WDR64: variants seen among roughly 807,000 people sequenced by gnomAD.
WDR64 encodes the protein WD repeat domain 64.
In WDR64, 112 loss-of-function variants were observed where a neutral mutation model predicts 139.3. That is an observed-to-expected ratio of 0.80 (90% CI 0.69 to 0.94). The LOEUF (loss-of-function observed/expected upper bound fraction) is 0.94. Among genes scored for constraint, WDR64 ranks in the 40% least tolerant of loss-of-function variants. The probability of loss-of-function intolerance (pLI) is 0.00; values close to 1 mark genes in which losing one functional copy is unlikely to be tolerated. For synonymous variants in WDR64, 444 were observed against 437.7 expected (o/e 1.01, Z -0.18); for missense variants, 1,206 against 1,293.1 (o/e 0.93, Z 1.03).
rs773314447 is a variant in WDR64, at chr1:241,749,676, AG to A, written c.1725del (p.Gln575HisfsTer14). On this transcript the variant is annotated frameshift_variant, in exon 14 of 28. Coordinates refer to ENST00000437684, the MANE Select transcript of WDR64 (RefSeq NM_001367482.1). LOFTEE classifies it high-confidence loss of function. ...IFLKAQEKHQ[Q>X]LVLALERNGT... ...CTCAAAGCCCAAGAAAAACACCAGC[AG>A]CTGGTCCTGGCCTTGGAGCGCAACG... 6.2e-7 allele frequency: 1 copy of A among 1,614,126 alleles called. No homozygotes were observed. The highest frequency in any genetic ancestry group is 8.5e-7 in the Non-Finnish European group (1 of 1,180,010).
At chr1:241,704,869 G>C (rs1206492261) in intron 8 of WDR64, among the ~76,000 whole-genome samples, 1 of 152,150 alleles carries the variant, frequency 6.6e-6, no homozygotes, top group Non-Finnish European at 1.5e-5. Context: ...GATTGCTCTA[G>C]ACCCATGACC....
At chr1:241,772,004 A>C (rs1658474029) in intron 19 of WDR64, among the ~76,000 whole-genome samples, 1 of 133,148 alleles carries the variant, frequency 7.5e-6, no homozygotes, top group South Asian at 2.5e-4. Context: ...TTTGGAACCA[A>C]ACATTGAGGT....
chr1:241,799,218 A>AAAAAAAAAAAAAAAC, intron 27 of WDR64, among the ~76,000 whole-genome samples: 1 of 132,764 alleles, frequency 7.5e-6, no homozygotes, highest in Non-Finnish European at 1.7e-5. Context: ...AAAAAAAAAA[A>AAAAAAAAAAAAAAAC]AAAAATACAA....
chr1:241,735,678 G>A (rs1049770269), intron 10 of WDR64, among the ~76,000 whole-genome samples: 1 of 151,704 alleles, frequency 6.6e-6, no homozygotes, highest in African/African-American at 2.4e-5. Context: ...GGGATTACAG[G>A]CGTGCACCAT....
Position 241,652,496 on chromosome 1 carries a change from G to A in WDR64, c.12G>A (p.Arg4=). MDI[R]KEKRLNMALQ... ...TCCCCTATGTCCCTATGGATATCAG[G>A]AAGGAAAAGCGTCTCAACATGGCAC... The change falls in exon 1 of 28, where the codon AGG becomes AGA. Residue 4 remains arginine, a synonymous_variant. Transcript: ENST00000437684. The A allele has an allele frequency of 6.4e-7, 1 of 1,552,192 alleles. No individual in the cohort carries two copies. The highest frequency in any genetic ancestry group is 8.7e-7 in the Non-Finnish European group (1 of 1,147,100).
intron 17 of WDR64, among the ~76,000 whole-genome samples, chr1:241,770,072 G>T (rs1658370142): frequency 6.6e-6 from 1 of 152,194 alleles, no homozygotes; most frequent in East Asian, 1.9e-4. Context: ...TTCTGTGCTG[G>T]TTTGGGGTCA....
At chr1:241,787,759 G>A in intron 23 of WDR64, 90 bp from the exon 24 acceptor site, 1 of 1,144,438 alleles carries the variant, frequency 8.7e-7, no homozygotes, top group Non-Finnish European at 1.2e-6. Context: ...TGATGGACCA[G>A]CGCTAATTTA....
chr1:241,739,565 A>G (rs1273933170), intron 11 of WDR64, among the ~76,000 whole-genome samples: 1 of 152,234 alleles, frequency 6.6e-6, no homozygotes, highest in Non-Finnish European at 1.5e-5. Flanking sequence ...CTCTAAAAGG[A>G]ACATAATAAT....
At chr1:241,797,898 C>G (rs1049905844) in intron 27 of WDR64, among the ~76,000 whole-genome samples, 1 of 152,020 alleles carries the variant, frequency 6.6e-6, no homozygotes, top group African/African-American at 2.4e-5. Flanking sequence ...TCTATTTGCA[C>G]TCTTATTTAA....
At chr1:241,785,115 A>C (rs1476213909) in intron 23 of WDR64, among the ~76,000 whole-genome samples, 1 of 152,196 alleles carries the variant, frequency 6.6e-6, no homozygotes, top group African/African-American at 2.4e-5. Flanking sequence ...TGTTCATTTG[A>C]GTTTGTAACA....
At chr1:241,718,748 G>C (rs953804532) in intron 9 of WDR64, among the ~76,000 whole-genome samples, 1 of 152,104 alleles carries the variant, frequency 6.6e-6, no homozygotes, top group East Asian at 1.9e-4. Context: ...CAGGATCAAG[G>C]TGCCAGCATT....
At position 241,771,645 on chromosome 1, in the gene WDR64, T is replaced by C; in HGVS notation, c.2254-16T>C. 1 of 1,489,084 alleles carries C rather than the reference T, an allele frequency of 6.7e-7. No individual in the cohort carries two copies. The highest frequency in any genetic ancestry group is 2.3e-5 in the Admixed American group (1 of 43,436). 92.2% of individuals were successfully genotyped at this position (1,489,084 alleles called of 1,614,324 possible). A position where few individuals can be genotyped will look rare whatever the true frequency, so the allele number is the denominator to read the frequency against. On this transcript the variant is annotated splice_polypyrimidine_tract_variant and intron_variant, in intron 18 of 27. Coordinates refer to ENST00000437684, the MANE Select transcript of WDR64 (RefSeq NM_001367482.1). ...AATGTCATGGAAGTCTTTTCTCTTT[T>C]CCTCCCATAATTCAGGGAAGCAAGC...
intron 13 of WDR64, among the ~76,000 whole-genome samples, chr1:241,747,503 T>C (rs1435696314): frequency 6.6e-6 from 1 of 152,220 alleles, no homozygotes; most frequent in Admixed American, 6.5e-5. Flanking sequence ...AGTTAACAAA[T>C]TTTGCCAAAC....
At chr1:241,705,232 T>C (rs1667886588) in intron 8 of WDR64, among the ~76,000 whole-genome samples, 1 of 151,996 alleles carries the variant, frequency 6.6e-6, no homozygotes, top group Non-Finnish European at 1.5e-5. Flanking sequence ...GGAGAATTTA[T>C]TTTTTTTCTT....
intron 3 of WDR64, among the ~76,000 whole-genome samples, chr1:241,674,130 T>C (rs1281087551): frequency 1.3e-5 from 2 of 152,132 alleles, no homozygotes; most frequent in African/African-American, 4.8e-5. Context: ...GCTCTATATA[T>C]GCAAATTAGT....
chr1:241,698,958 CCTT>C (rs1380327438), intron 8 of WDR64, among the ~76,000 whole-genome samples: 4 of 152,140 alleles, frequency 2.6e-5, no homozygotes, highest in Non-Finnish European at 4.4e-5. Context: ...GCAAACACGT[CCTT>C]CTTCACTTGG....
At chr1:241,798,523 GTAGT>G (rs1462716499) in intron 27 of WDR64, among the ~76,000 whole-genome samples, 1 of 152,170 alleles carries the variant, frequency 6.6e-6, no homozygotes, top group Non-Finnish European at 1.5e-5. Flanking sequence ...CATAAAATCA[GTAGT>G]TAGACACCAA....
intron 21 of WDR64, among the ~76,000 whole-genome samples, chr1:241,775,915 T>C (rs1658641856): frequency 1.3e-5 from 2 of 152,130 alleles, no homozygotes; most frequent in African/African-American, 4.8e-5. Context: ...TTTCTCCATA[T>C]CTACCCCTTT....
chr1:241,701,916 A>G (rs1667725502), intron 8 of WDR64, among the ~76,000 whole-genome samples: 1 of 152,218 alleles, frequency 6.6e-6, no homozygotes, highest in South Asian at 2.1e-4. Context: ...CTGCATTTAT[A>G]CAATACATAA....
Sources: allele counts gnomAD v4.1 joint callset (sites outside exome capture counted in the v4.1 genomes callset), GRCh38; gene constraint gnomAD v4.1.1; transcripts MANE v1.5; gene names NCBI Gene and HGNC (gene_info 2026-07-23, HGNC 2026-07-21).